Variants in DAB2 observed in about 807,000 individuals in gnomAD.
DAB2 encodes DAB adaptor protein 2.
A neutral mutation model predicts 71.6 loss-of-function variants in DAB2; 28 were observed. The observed-to-expected ratio is 0.39, with a 90% confidence interval of 0.29 to 0.54. The LOEUF (loss-of-function observed/expected upper bound fraction) is 0.54, where lower values mean the gene tolerates loss of function less well. Among genes scored for constraint, DAB2 ranks in the 20% least tolerant of loss-of-function variants. DAB2 has a pLI of 0.68. For missense variants in DAB2, 867 were observed against 928.8 expected (o/e 0.93, Z 0.86); for synonymous variants, 345 against 339.7 (o/e 1.02, Z -0.17).
intron 13 of DAB2, 102 bp from the exon 14 acceptor site, chr5:39,375,186 A>C: frequency 2.5e-6 from 2 of 791,242 alleles, no homozygotes; most frequent in Non-Finnish European, 4.3e-6. Context: ...CTTAGGTCAT[A>C]GGCCAATCAG....
intron 1 of DAB2, among the ~76,000 whole-genome samples, chr5:39,421,127 C>T (rs1255970304): frequency 3.3e-5 from 5 of 152,176 alleles, no homozygotes; most frequent in South Asian, 2.1e-4. Flanking sequence ...GCTTCCAGGA[C>T]GAAAACAGAG....
intron 1 of DAB2, among the ~76,000 whole-genome samples, chr5:39,396,202 C>T (rs1755366977): frequency 6.6e-6 from 1 of 152,058 alleles, no homozygotes; most frequent in Non-Finnish European, 1.5e-5. Context: ...CTGACTCAGC[C>T]TCCCAAAGTG....
chr5:39,412,589 G>T (rs1014809650), intron 1 of DAB2, among the ~76,000 whole-genome samples: 2 of 152,182 alleles, frequency 1.3e-5, no homozygotes, highest in South Asian at 2.1e-4. Context: ...AGAAAGGAGA[G>T]TAGAGGAAAA....
chr5:39,417,153 G>A (rs1306732277), intron 1 of DAB2: 2 of 151,972 alleles, frequency 1.3e-5, no homozygotes, highest in Non-Finnish European at 2.9e-5. Context: ...GCGCCTGGTT[G>A]GGGGGTAAGG....
chr5:39,382,982 C>T lies in DAB2; in HGVS notation c.977G>A (p.Ser326Asn). The change falls in exon 10 of 15, where the codon AGC (serine) becomes AAC (asparagine). Residue 326 changes from serine (S) to asparagine (N), a missense_variant. By Grantham distance (46) the Ser-to-Asn change is conservative. Transcript: ENST00000320816. ...CCCATTACTCAGCGGAGTAGACGAGCTACTCGAATTCTCTTTCTTCTGATC... is the reference window on the plus strand; with the variant it reads ...CCCATTACTCAGCGGAGTAGACGAGTTACTCGAATTCTCTTTCTTCTGATC... ...SPDQKKENSS[S>N]SSTPLSNGPL... 4 of 1,614,134 alleles carry T rather than the reference C, an allele frequency of 2.5e-6. No homozygotes were observed. The highest frequency in any genetic ancestry group is 2.2e-5 in the South Asian group (2 of 91,078).
At chr5:39,406,961 C>T (rs1400286578) in intron 1 of DAB2, among the ~76,000 whole-genome samples, 1 of 152,140 alleles carries the variant, frequency 6.6e-6, no homozygotes, top group Non-Finnish European at 1.5e-5. Flanking sequence ...ACAGTAAATG[C>T]ATGAGTTTTA....
chr5:39,377,222 T>A lies in DAB2; in HGVS notation c.1565A>T (p.Asn522Ile). 6.2e-7 allele frequency: 1 copy of A among 1,614,106 alleles called. No individual in the cohort carries two copies. Among genetic ancestry groups the A allele is most frequent in the Non-Finnish European group, 8.5e-7 (1 of 1,179,998 alleles). Reference sequence around the variant, plus strand: ...TCCCGGAGCCATTGAAGGGGACTGATTGAAGACCAAAGATGCTGTGTTCCA... The same window carrying A: ...TCCCGGAGCCATTGAAGGGGACTGAATGAAGACCAAAGATGCTGTGTTCCA... ...GPWNTASLVF[N>I]QSPSMAPGAM... The change falls in exon 12 of 15, where the codon AAT (asparagine) becomes ATT (isoleucine). Residue 522 changes from asparagine to isoleucine, a missense_variant. Physicochemically the swap from Asn to Ile is moderately radical, Grantham distance 149. Around this residue, in one of 2 missense-constraint regions of DAB2, gnomAD observed 740 missense variants for 734.3 expected, o/e 1.01. Coordinates refer to ENST00000320816, the MANE Select transcript of DAB2 (RefSeq NM_001343.4).
Position 39,422,022 on chromosome 5 carries a change from T to C in DAB2, c.-102+2782A>G, listed in dbSNP as rs1756001312. Reference sequence around the variant, plus strand: ...GAGGCAGAGGCTGCAGTGGGTCAAGTTCATGCCAGTGTACTCCAGCATGGG... The same window carrying C: ...GAGGCAGAGGCTGCAGTGGGTCAAGCTCATGCCAGTGTACTCCAGCATGGG... On this transcript the variant is annotated intron_variant, in intron 1 of 14. Transcript: ENST00000320816. This position sits in a 1 kb window ranked among gnomAD's most constrained non-coding sequence, Gnocchi z 4.1. Among the ~76,000 whole-genome samples, 1 of 152,010 alleles carries C rather than the reference T, an allele frequency of 6.6e-6. No individual in the cohort carries two copies. Among genetic ancestry groups the C allele is most frequent in the Non-Finnish European group, 1.5e-5 (1 of 67,996 alleles).
chr5:39,405,677 G>A (rs2112088966), intron 1 of DAB2, among the ~76,000 whole-genome samples: 1 of 152,328 alleles, frequency 6.6e-6, no homozygotes, highest in Non-Finnish European at 1.5e-5. Flanking sequence ...CTCTGTATTT[G>A]GAGGTTGCTA....
intron 10 of DAB2, among the ~76,000 whole-genome samples, chr5:39,382,311 C>T (rs140101136): frequency 2.0e-5 from 3 of 152,182 alleles, no homozygotes; most frequent in Admixed American, 6.5e-5. Context: ...ACCCAGAACA[C>T]GATGATCAAA....
rs1202549112 is a variant in DAB2 at position 39,391,980 on chromosome 5, AAAT to A, written c.330+382_330+384del. Among the ~76,000 whole-genome samples, 19 of 128,044 alleles carry A rather than the reference AAAT, an allele frequency of 1.5e-4. 1 individual carries two copies. Among genetic ancestry groups the A allele is most frequent in the Admixed American group, 7.1e-4 (9 of 12,694 alleles). The allele number at this position is 128,044 out of a possible 152,430, so 84.0% of individuals were successfully genotyped here. A position where few individuals can be genotyped will look rare whatever the true frequency, so the allele number is the denominator to read the frequency against. On this transcript the variant is annotated intron_variant, in intron 4 of 14. Coordinates refer to ENST00000320816, the MANE Select transcript of DAB2 (RefSeq NM_001343.4). ...TACCCGAGGTCAAAAAAAAAAAAAAAAATATATATATATAGAAGTTTTACTTTA... is the reference window on the plus strand; with the variant it reads ...TACCCGAGGTCAAAAAAAAAAAAAAAATATATATATAGAAGTTTTACTTTA...
At chr5:39,389,379 G>C (rs746001271) in intron 6 of DAB2, among the ~76,000 whole-genome samples, 9 of 152,154 alleles carry the variant, frequency 5.9e-5, no homozygotes, top group Non-Finnish European at 1.0e-4. Context: ...AAGCCAGGGA[G>C]TGCAGATTAG....
chr5:39,419,422 TG>T (rs1373281755), intron 1 of DAB2, among the ~76,000 whole-genome samples: 2 of 152,190 alleles, frequency 1.3e-5, no homozygotes, highest in Non-Finnish European at 2.9e-5. Flanking sequence ...GATAACACCT[TG>T]GGCAAGATAC....
intron 11 of DAB2, among the ~76,000 whole-genome samples, chr5:39,381,134 C>T (rs1476112921): frequency 6.6e-6 from 1 of 152,154 alleles, no homozygotes; most frequent in Non-Finnish European, 1.5e-5. Context: ...TATGTCAACC[C>T]TGTTTTGCTA....
intron 9 of DAB2, 41 bp from the exon 10 acceptor site, chr5:39,383,312 A>G (rs556904559): frequency 1.4e-6 from 2 of 1,437,646 alleles, no homozygotes; most frequent in African/African-American, 1.4e-5. Context: ...GTGTTAGTCC[A>G]TGTTGTGACT....
intron 5 of DAB2, among the ~76,000 whole-genome samples, chr5:39,390,218 A>T (rs747136789): frequency 5.9e-5 from 9 of 152,228 alleles, no homozygotes; most frequent in Non-Finnish European, 1.0e-4. Flanking sequence ...GTCAGTATTC[A>T]CTTTATAAGA....
Position 39,389,788 on chromosome 5 carries a change from A to C in DAB2, c.543+64T>G, listed in dbSNP as rs1369724934. 3.3e-6 allele frequency: 3 copies of C among 903,950 alleles called. No individual in the cohort carries two copies. In the East Asian group the frequency reaches 8.2e-5, roughly 25 times the overall value. 56.0% of individuals were successfully genotyped at this position (903,950 alleles called of 1,614,324 possible). On this transcript the variant is annotated intron_variant, in intron 6 of 14. Transcript: ENST00000320816. ...CTGCCTCCCGAAGTGCTGGGATTATAGGTGTGAGCCACCATGCCCAGCCAG... is the reference window on the plus strand; with the variant it reads ...CTGCCTCCCGAAGTGCTGGGATTATCGGTGTGAGCCACCATGCCCAGCCAG...
At chr5:39,420,990 C>T (rs1755969387) in intron 1 of DAB2, among the ~76,000 whole-genome samples, 1 of 152,070 alleles carries the variant, frequency 6.6e-6, no homozygotes, top group Admixed American at 6.6e-5. Flanking sequence ...CCCTCCCTTC[C>T]CACTTCCTTC....
chr5:39,402,662 T>A (rs940347380), intron 1 of DAB2, among the ~76,000 whole-genome samples: 1 of 152,134 alleles, frequency 6.6e-6, no homozygotes, highest in Non-Finnish European at 1.5e-5. Context: ...AGGTGATCCA[T>A]CTGCCTTGGC....
Sources: allele counts gnomAD v4.1 joint callset (sites outside exome capture counted in the v4.1 genomes callset), GRCh38; gene constraint gnomAD v4.1.1; regional missense constraint gnomAD v4.1.1; non-coding constraint Gnocchi (gnomAD v3.1); transcripts MANE v1.5; gene names NCBI Gene and HGNC (gene_info 2026-07-23, HGNC 2026-07-21).